The following FOXN3 variants were observed in gnomAD, a reference collection of about 807,000 sequenced individuals.
FOXN3 encodes the protein forkhead box N3, also known as forkhead box protein N3.
FOXN3 carries 7 observed loss-of-function variants against 38.4 expected under a neutral mutation model. The observed-to-expected ratio is 0.18, with a 90% CI of 0.10 to 0.34. The LOEUF is 0.34. FOXN3 is among the 10% of genes least tolerant of loss of function. The pLI is 1.00. For synonymous variants in FOXN3, 230 were observed against 242.2 expected (o/e 0.95, Z 0.47); for missense variants, 456 against 613.4 (o/e 0.74, Z 2.71).
At chr14:89,604,136 C>T (rs1426024713) in intron 1 of FOXN3, among the ~76,000 whole-genome samples, 1 of 152,192 alleles carries the variant, frequency 6.6e-6, no homozygotes, top group South Asian at 2.1e-4. Flanking sequence ...TCTGGAGAAA[C>T]TCACTTTCAA....
intron 3 of FOXN3, among the ~76,000 whole-genome samples, chr14:89,329,382 G>A (rs1888171415): frequency 6.6e-6 from 1 of 152,182 alleles, no homozygotes; most frequent in South Asian, 2.1e-4. Flanking sequence ...GATTTGGGGT[G>A]TGCCAGTGGT....
At chr14:89,188,117 C>T (rs769348383) in intron 4 of FOXN3, among the ~76,000 whole-genome samples, 8 of 152,020 alleles carry the variant, frequency 5.3e-5, no homozygotes, top group South Asian at 4.2e-4. Flanking sequence ...TCTCACACAG[C>T]GGTAATAGCC....
chr14:89,206,434 G>A (rs769592132), intron 4 of FOXN3, among the ~76,000 whole-genome samples: 9 of 152,206 alleles, frequency 5.9e-5, no homozygotes, highest in Non-Finnish European at 1.3e-4. Context: ...GAAAAACCAA[G>A]AGGGCTTGAT....
intron 1 of FOXN3, among the ~76,000 whole-genome samples, chr14:89,478,698 GAGGC>G (rs1566669988): frequency 6.6e-6 from 1 of 151,880 alleles, no homozygotes; most frequent in African/African-American, 2.4e-5. Flanking sequence ...TTTGGAGGCC[GAGGC>G]AGGCGGATCA....
intron 1 of FOXN3, among the ~76,000 whole-genome samples, chr14:89,497,155 C>A (rs1596297507): frequency 6.6e-6 from 1 of 152,114 alleles, no homozygotes; most frequent in Admixed American, 6.5e-5. Flanking sequence ...GGGGTTTCGC[C>A]ATGTCGGCCA....
chr14:89,365,583 T>TC (rs34962640), intron 2 of FOXN3, among the ~76,000 whole-genome samples: 1 of 152,200 alleles, frequency 6.6e-6, no homozygotes. Flanking sequence ...GTTTTACCAC[T>TC]CTGTCTTGGG....
At chr14:89,593,016 C>A (rs11851810) in intron 1 of FOXN3, among the ~76,000 whole-genome samples, 13,820 of 122,142 alleles carry the variant, frequency 0.11, 1,660 homozygotes, top group African/African-American at 0.32. Context: ...GACAGGGAGG[C>A]AGGAAGGAGG....
At chr14:89,180,844 T>C (rs1185566164) in intron 4 of FOXN3, 38 bp from the exon 5 acceptor site, 2 of 1,524,546 alleles carry the variant, frequency 1.3e-6, no homozygotes, top group Non-Finnish European at 1.8e-6. Flanking sequence ...CGCACGTGAA[T>C]TCAACTGTGA....
At chr14:89,540,654 G>A (rs954002687) in intron 1 of FOXN3, among the ~76,000 whole-genome samples, 9 of 151,288 alleles carry the variant, frequency 5.9e-5, no homozygotes, top group African/African-American at 1.5e-4. Flanking sequence ...CAGGAGACTC[G>A]CTTGAACTGG....
intron 1 of FOXN3, among the ~76,000 whole-genome samples, chr14:89,583,297 T>C (rs1192965362): frequency 1.3e-5 from 2 of 152,238 alleles, no homozygotes; most frequent in Non-Finnish European, 2.9e-5. Flanking sequence ...AGGTGAGGCA[T>C]CTGGGCAGGT....
chr14:89,409,351 A>AGGGGGGGGGGGGGGGGGGGG (rs138581623), intron 2 of FOXN3: 1 of 140,914 alleles, frequency 7.1e-6, no homozygotes. Flanking sequence ...GCGGTGGGGG[A>AGGGGGGGGGGGGGGGGGGGG]CGGGGGGGTC....
rs55935162 is a variant in FOXN3 at position 89,528,376 on chromosome 14, C to CTTTTTTTTTTTTTTTTT, written c.-15+90635_-15+90651dup. 1.9e-4 allele frequency among the ~76,000 whole-genome samples: 10 copies of CTTTTTTTTTTTTTTTTT among 53,576 alleles called. 2 individuals carry two copies. The highest frequency in any genetic ancestry group is 2.0e-4 in the Non-Finnish European group (6 of 29,540). 35.1% of individuals were successfully genotyped at this position (53,576 alleles called of 152,430 possible). On this transcript the variant is annotated intron_variant, in intron 1 of 6. Transcript: ENST00000345097. Reference sequence around the variant, plus strand: ...TCATCCATACTCAACATGGATGAATCTTTTTTTTTTTTTTTTTTTTTTTTT... The same window carrying CTTTTTTTTTTTTTTTTT: ...TCATCCATACTCAACATGGATGAATCTTTTTTTTTTTTTTTTTTTTTTTTTTTTTTTTTTTTTTTTTT...
intron 1 of FOXN3, among the ~76,000 whole-genome samples, chr14:89,480,206 T>A (rs981033785): frequency 6.6e-6 from 1 of 151,994 alleles, no homozygotes; most frequent in African/African-American, 2.4e-5. Context: ...ATCGAGACCA[T>A]CCTGGCTAAC....
intron 1 of FOXN3, among the ~76,000 whole-genome samples, chr14:89,487,019 A>T (rs1225828574): frequency 6.6e-6 from 1 of 152,226 alleles, no homozygotes; most frequent in Non-Finnish European, 1.5e-5. Flanking sequence ...CATAAAGGAA[A>T]AACATCAGAG....
chr14:89,263,141 C>T (rs1307830286), intron 4 of FOXN3, among the ~76,000 whole-genome samples: 1 of 152,158 alleles, frequency 6.6e-6, no homozygotes, highest in East Asian at 1.9e-4. Context: ...AATTACTTCA[C>T]CGACATATTT....
intron 3 of FOXN3, among the ~76,000 whole-genome samples, chr14:89,343,890 G>A (rs1217506891): frequency 1.3e-5 from 2 of 152,060 alleles, no homozygotes; most frequent in South Asian, 2.1e-4. Flanking sequence ...AGCCTCCCGA[G>A]TAGCTGATTG....
intron 4 of FOXN3, among the ~76,000 whole-genome samples, chr14:89,237,089 T>C (rs914556291): frequency 1.3e-5 from 2 of 152,048 alleles, no homozygotes; most frequent in Non-Finnish European, 2.9e-5. Flanking sequence ...ACTGAGAGCA[T>C]GTGGCAGGGC....
intron 3 of FOXN3, among the ~76,000 whole-genome samples, chr14:89,344,335 T>C (rs920950172): frequency 6.6e-6 from 1 of 150,928 alleles, no homozygotes; most frequent in Non-Finnish European, 1.5e-5. Flanking sequence ...CAATCCATCA[T>C]GGAGGCCAAA....
chr14:89,446,337 C>A (rs542703018), intron 1 of FOXN3, among the ~76,000 whole-genome samples: 2 of 151,398 alleles, frequency 1.3e-5, no homozygotes, highest in Non-Finnish European at 2.9e-5. Context: ...TACAGGCATG[C>A]GCCACCACGC....
Sources: allele counts gnomAD v4.1 joint callset (sites outside exome capture counted in the v4.1 genomes callset), GRCh38; gene constraint gnomAD v4.1.1; transcripts MANE v1.5; gene names NCBI Gene and HGNC (gene_info 2026-07-23, HGNC 2026-07-21).